The following PIBF1 variants were observed in gnomAD, a reference collection of about 807,000 sequenced individuals.
PIBF1 encodes progesterone immunomodulatory binding factor 1.
In PIBF1, 90 loss-of-function variants were observed where a neutral mutation model predicts 112.5. The ratio of observed to expected loss-of-function variants is 0.80; its 90% CI spans 0.67 to 0.95. The LOEUF (loss-of-function observed/expected upper bound fraction) is 0.95, where lower values mean the gene tolerates loss of function less well. Ranked by LOEUF, PIBF1 falls within the 40% of genes least tolerant of loss-of-function variation. The pLI is 0.00. For synonymous variants in PIBF1, 301 were observed against 288.6 expected (o/e 1.04, Z -0.44); for missense variants, 915 against 852.3 (o/e 1.07, Z -0.92).
In PIBF1 at chr13:72,782,192, A is replaced by C. The variant is rs1360843181; in HGVS notation, c.-205A>C. 2 of 234,284 alleles carry C rather than the reference A, an allele frequency of 8.5e-6. No individual in the cohort carries two copies. The highest frequency in any genetic ancestry group is 1.7e-5 in the Non-Finnish European group (2 of 120,120). The allele number at this position is 234,284 out of a possible 1,614,324, so 14.5% of individuals were successfully genotyped here. A position where few individuals can be genotyped will look rare whatever the true frequency, so the allele number is the denominator to read the frequency against. ...TTCTGTCCTCCTTGCGGGTGCGGAGATGGTTGTCTTGGTTACGGGTCCTAA... is the reference window on the plus strand; with the variant it reads ...TTCTGTCCTCCTTGCGGGTGCGGAGCTGGTTGTCTTGGTTACGGGTCCTAA... On this transcript the variant is annotated 5_prime_UTR_variant, in exon 1 of 18. It removes an upstream start codon present in the reference 5' UTR. Coordinates refer to ENST00000326291, the MANE Select transcript of PIBF1 (RefSeq NM_006346.4).
At chr13:72,979,324 G>C (rs2043098238) in intron 16 of PIBF1, among the ~76,000 whole-genome samples, 2 of 152,150 alleles carry the variant, frequency 1.3e-5, no homozygotes, top group South Asian at 4.1e-4. Context: ...AAGATTTACT[G>C]ATCACCTTTG....
At chr13:72,939,755 G>C in intron 14 of PIBF1, among the ~76,000 whole-genome samples, 1 of 152,108 alleles carries the variant, frequency 6.6e-6, no homozygotes, top group East Asian at 1.9e-4. Flanking sequence ...CCTGGGAATG[G>C]ATTTGCTGGG....
intron 14 of PIBF1, among the ~76,000 whole-genome samples, chr13:72,938,374 A>G (rs1395445952): frequency 1.3e-5 from 2 of 151,994 alleles, no homozygotes; most frequent in Non-Finnish European, 2.9e-5. Context: ...CCTCCACCTC[A>G]GTCCCCCACA....
chr13:72,854,185 A>AT (rs746928923), intron 10 of PIBF1, 30 bp downstream of exon 10: 1 of 1,318,196 alleles, frequency 7.6e-7, no homozygotes. Flanking sequence ...AAATGTTAAA[A>AT]CTCTTCCATT....
intron 13 of PIBF1, among the ~76,000 whole-genome samples, chr13:72,927,645 A>AT (rs920324523): frequency 4.0e-5 from 6 of 151,010 alleles, no homozygotes; most frequent in East Asian, 1.9e-4. Context: ...CCTTGGCCTA[A>AT]TTTTTTTTTA....
chr13:73,014,798 A>AT (rs1424360165), intron 17 of PIBF1, among the ~76,000 whole-genome samples: 9 of 150,794 alleles, frequency 6.0e-5, no homozygotes, highest in East Asian at 3.9e-4. Context: ...GGCCCAAGTG[A>AT]TTTTTTTTTA....
rs750386666 is a variant in PIBF1 at position 72,827,787 on chromosome 13, A to G, written c.970A>G (p.Asn324Asp). 1 of 1,602,060 alleles carries G rather than the reference A, an allele frequency of 6.2e-7. No homozygotes were observed. The highest frequency in any genetic ancestry group is 8.5e-7 in the Non-Finnish European group (1 of 1,174,324). Residue 324 changes from asparagine to aspartate, a missense_variant, in exon 8 of 18, where the codon AAT (asparagine) becomes GAT (aspartate). Asn to Asp is a conservative substitution (Grantham distance 23). Transcript: ENST00000326291. Reference protein sequence around the residue: ...TLLQKDKEYLNRQNMELSVRC... With the variant: ...TLLQKDKEYLDRQNMELSVRC... Reference sequence around the variant, plus strand: ...ACTGCAAAAGGATAAAGAATATCTTAATCGCCAAAACATGGAGCTTAGTGT... The same window carrying G: ...ACTGCAAAAGGATAAAGAATATCTTGATCGCCAAAACATGGAGCTTAGTGT...
chr13:72,971,770 A>G (rs2042898130), intron 15 of PIBF1, among the ~76,000 whole-genome samples: 1 of 152,112 alleles, frequency 6.6e-6, no homozygotes, highest in Non-Finnish European at 1.5e-5. Flanking sequence ...TACAGCACAC[A>G]TTTGAGTCTG....
At chr13:72,924,857 C>G (rs971832413) in intron 13 of PIBF1, among the ~76,000 whole-genome samples, 3 of 152,042 alleles carry the variant, frequency 2.0e-5, no homozygotes, top group Non-Finnish European at 4.4e-5. Flanking sequence ...AATATATAAA[C>G]TTTAGTACTA....
chr13:72,886,236 A>C lies in PIBF1; in HGVS notation c.1323-7548A>C, dbSNP rs1187393299. On this transcript the variant is annotated intron_variant, in intron 10 of 17. Transcript: ENST00000326291. ...TTAAGATTCAGTTTATATGTTCTGA[A>C]TTTTTTTCTTTAGTGTAGATCAACA... Among the ~76,000 whole-genome samples, 2 of 151,768 alleles carry C rather than the reference A, an allele frequency of 1.3e-5. 1 individual carries two copies. The highest frequency in any genetic ancestry group is 4.2e-4 in the South Asian group (2 of 4,790).
At chr13:72,847,305 A>G (rs1228850775) in intron 9 of PIBF1, among the ~76,000 whole-genome samples, 3 of 152,226 alleles carry the variant, frequency 2.0e-5, no homozygotes, top group Non-Finnish European at 4.4e-5. Context: ...ATGCTGCTAT[A>G]ACAGGATACC....
At chr13:73,012,732 G>A (rs2044241182) in intron 17 of PIBF1, among the ~76,000 whole-genome samples, 2 of 151,016 alleles carry the variant, frequency 1.3e-5, no homozygotes, top group South Asian at 4.2e-4. Flanking sequence ...TGTAGTCTAG[G>A]CAACAGAGCA....
intron 16 of PIBF1, among the ~76,000 whole-genome samples, chr13:72,986,240 A>G (rs1285975813): frequency 6.6e-6 from 1 of 152,166 alleles, no homozygotes; most frequent in African/African-American, 2.4e-5. Context: ...CCAGATGACT[A>G]CTGTTAATAG....
chr13:72,788,347 G>C (rs1011607613), intron 2 of PIBF1, among the ~76,000 whole-genome samples: 7 of 152,128 alleles, frequency 4.6e-5, no homozygotes, highest in Admixed American at 1.3e-4. Context: ...CTTGAAAAAT[G>C]GTGGTTTCTG....
At chr13:72,835,753 T>G (rs987607022) in intron 9 of PIBF1, among the ~76,000 whole-genome samples, 1 of 152,220 alleles carries the variant, frequency 6.6e-6, no homozygotes, top group African/African-American at 2.4e-5. Context: ...AATATACATA[T>G]GCCTCATTTA....
intron 9 of PIBF1, among the ~76,000 whole-genome samples, chr13:72,837,870 T>C (rs1259339461): frequency 6.6e-6 from 1 of 152,178 alleles, no homozygotes. Context: ...TTCATGTTCA[T>C]TACAAAAGTA....
intron 14 of PIBF1, among the ~76,000 whole-genome samples, chr13:72,951,608 A>G (rs1361394570): frequency 6.6e-6 from 1 of 152,212 alleles, no homozygotes; most frequent in Non-Finnish European, 1.5e-5. Context: ...ACTATGTAAC[A>G]TGCTGGAAAA....
At chr13:72,783,948 A>C (rs1450365688) in intron 2 of PIBF1, among the ~76,000 whole-genome samples, 4 of 152,150 alleles carry the variant, frequency 2.6e-5, no homozygotes, top group Non-Finnish European at 5.9e-5. Flanking sequence ...ATGTTGGTCA[A>C]AGGATACATA....
At chr13:72,800,494 T>G (rs1340031538) in intron 5 of PIBF1, among the ~76,000 whole-genome samples, 1 of 152,240 alleles carries the variant, frequency 6.6e-6, no homozygotes, top group Non-Finnish European at 1.5e-5. Flanking sequence ...TTGATAACAA[T>G]GTGATGATCT....
Sources: gnomAD v4.1 joint callset for allele counts (sites outside exome capture counted in the v4.1 genomes callset) on GRCh38, gnomAD v4.1.1 for gene constraint, MANE v1.5 for transcripts, NCBI Gene and HGNC (gene_info 2026-07-23, HGNC 2026-07-21) for gene names.